Variants in TLCD4 observed in about 807,000 individuals in gnomAD.
TLCD4 encodes TLC domain-containing protein 4.
Under a neutral mutation model 24.2 loss-of-function variants are expected in TLCD4, and 7 were observed. That is an observed-to-expected ratio of 0.29 (90% CI 0.16 to 0.54). The LOEUF (loss-of-function observed/expected upper bound fraction) is 0.54. TLCD4 is among the 20% of genes least tolerant of loss of function. The pLI is 0.95. For synonymous variants in TLCD4, 103 were observed against 106.4 expected (o/e 0.97, Z 0.20); for missense variants, 259 against 313.9 (o/e 0.82, Z 1.32).
Position 95,137,510 on chromosome 1 carries a change from C to T in TLCD4, c.-11-6381C>T, listed in dbSNP as rs1677077477. On this transcript the variant is annotated intron_variant, in intron 1 of 6. Coordinates refer to ENST00000370203, the MANE Select transcript of TLCD4 (RefSeq NM_152487.3). ...TATTTGATATATTCTCTAAGGAATC[C>T]CTGTATTTGCAAAGGAATCACAAAT... Among the ~76,000 whole-genome samples, 3 of 151,934 alleles carry T rather than the reference C, an allele frequency of 2.0e-5. No individual in the cohort carries two copies. The South Asian group carries it at 6.2e-4, about 32-fold the overall frequency.
At chr1:95,102,537 T>G in the TLCD4 span, among the ~76,000 whole-genome samples, 2 of 152,116 alleles carry the variant, frequency 1.3e-5, no homozygotes, top group East Asian at 3.8e-4. Flanking sequence ...AGTTATATAT[T>G]TTATTGCATT....
chr1:95,177,328 C>T (rs1393879663), intron 6 of TLCD4, among the ~76,000 whole-genome samples: 2 of 152,118 alleles, frequency 1.3e-5, no homozygotes, highest in Non-Finnish European at 2.9e-5. Flanking sequence ...GGGAAGGCTT[C>T]TATGATTATA....
intron 1 of TLCD4, among the ~76,000 whole-genome samples, chr1:95,127,192 C>A (rs1248225416): frequency 3.3e-5 from 5 of 152,182 alleles, no homozygotes; most frequent in Admixed American, 1.3e-4. Flanking sequence ...AGCTGAGCGG[C>A]ATTCATCTTA....
chr1:95,168,834 A>G (rs1678111949), intron 5 of TLCD4, among the ~76,000 whole-genome samples: 1 of 152,210 alleles, frequency 6.6e-6, no homozygotes, highest in South Asian at 2.1e-4. Flanking sequence ...GGCTTTATGG[A>G]TATAACAGTG....
At chr1:95,180,194 A>G (rs576141452) in intron 6 of TLCD4, among the ~76,000 whole-genome samples, 153 of 152,354 alleles carry the variant, frequency 1.0e-3, no homozygotes, top group African/African-American at 3.6e-3. Flanking sequence ...GATTCTGATT[A>G]TGAGATTTTG....
chr1:95,104,481 A>G, the TLCD4 span, among the ~76,000 whole-genome samples: 2 of 151,612 alleles, frequency 1.3e-5, no homozygotes, highest in Admixed American at 6.6e-5. Context: ...TGGCTAACAC[A>G]ATGAAACCCC....
chr1:95,114,800 TG>T (rs1676397637), upstream of TLCD4, among the ~76,000 whole-genome samples: 5 of 151,728 alleles, frequency 3.3e-5, no homozygotes, highest in East Asian at 9.7e-4. Context: ...CACTCCAGCC[TG>T]GGCAACAGAG....
At chr1:95,177,680 T>A (rs1436982537) in intron 6 of TLCD4, among the ~76,000 whole-genome samples, 1 of 152,198 alleles carries the variant, frequency 6.6e-6, no homozygotes, top group African/African-American at 2.4e-5. Flanking sequence ...GAAGGAGCTC[T>A]CTTGGTGATA....
At chr1:95,166,926 G>A (rs2100977806) in intron 5 of TLCD4, among the ~76,000 whole-genome samples, 1 of 151,804 alleles carries the variant, frequency 6.6e-6, no homozygotes, top group Non-Finnish European at 1.5e-5. Context: ...GTAGACGTGG[G>A]GTCTTACTAT....
intron 6 of TLCD4, among the ~76,000 whole-genome samples, chr1:95,174,398 AG>A (rs1253357334): frequency 1.3e-5 from 2 of 151,564 alleles, no homozygotes; most frequent in Non-Finnish European, 2.9e-5. Context: ...AGCTGGGCTC[AG>A]GGGCTCACGT....
intron 1 of TLCD4, among the ~76,000 whole-genome samples, chr1:95,123,280 T>A (rs1483359218): frequency 6.6e-6 from 1 of 152,218 alleles, no homozygotes; most frequent in Non-Finnish European, 1.5e-5. Context: ...TCATATTTTT[T>A]AAACCTGTGT....
At chr1:95,168,789 T>G (rs1331790042) in intron 5 of TLCD4, among the ~76,000 whole-genome samples, 1 of 152,080 alleles carries the variant, frequency 6.6e-6, no homozygotes, top group African/African-American at 2.4e-5. Flanking sequence ...GAAGGCAAGG[T>G]TCAACTCAGG....
At chr1:95,175,875 A>T (rs1678406010) in intron 6 of TLCD4, among the ~76,000 whole-genome samples, 1 of 150,838 alleles carries the variant, frequency 6.6e-6, no homozygotes, top group Non-Finnish European at 1.5e-5. Flanking sequence ...TCTCAGGCTC[A>T]AAGGATCCTC....
chr1:95,178,840 T>C (rs1678537312), intron 6 of TLCD4, among the ~76,000 whole-genome samples: 1 of 152,196 alleles, frequency 6.6e-6, no homozygotes, highest in Non-Finnish European at 1.5e-5. Flanking sequence ...TTCTCTTAGG[T>C]GGCACGTTGA....
At chr1:95,129,695 T>C (rs1676835348) in intron 1 of TLCD4, among the ~76,000 whole-genome samples, 1 of 152,156 alleles carries the variant, frequency 6.6e-6, no homozygotes, top group Non-Finnish European at 1.5e-5. Context: ...TGAACCGAGA[T>C]CGTGCCATTG....
upstream of TLCD4, among the ~76,000 whole-genome samples, chr1:95,112,654 G>A (rs1676362353): frequency 6.6e-6 from 1 of 152,140 alleles, no homozygotes; most frequent in Admixed American, 6.5e-5. Flanking sequence ...TAAATTATCA[G>A]TCAGGAATAA....
At chr1:95,097,478 G>C in the TLCD4 span, among the ~76,000 whole-genome samples, 1 of 152,210 alleles carries the variant, frequency 6.6e-6, no homozygotes, top group Non-Finnish European at 1.5e-5. Context: ...TTGGACCACA[G>C]TGAGATACTG....
chr1:95,122,933 T>C (rs1676609107), intron 1 of TLCD4, among the ~76,000 whole-genome samples: 1 of 152,174 alleles, frequency 6.6e-6, no homozygotes, highest in South Asian at 2.1e-4. Context: ...TTGAAAAATT[T>C]ACAAGTTCTT....
chr1:95,147,520 GT>G (rs1023875903), intron 2 of TLCD4, among the ~76,000 whole-genome samples: 3 of 152,168 alleles, frequency 2.0e-5, no homozygotes, highest in African/African-American at 7.2e-5. Context: ...CTTTAAATTG[GT>G]GAGAATCTTT....
Sources: gnomAD v4.1 joint callset for allele counts (sites outside exome capture counted in the v4.1 genomes callset) on GRCh38, gnomAD v4.1.1 for gene constraint, MANE v1.5 for transcripts, NCBI Gene and HGNC (gene_info 2026-07-23, HGNC 2026-07-21) for gene names.